The following HSD17B2 variants were observed in gnomAD, a reference collection of about 807,000 sequenced individuals.
The protein encoded by HSD17B2 is 17-beta-hydroxysteroid dehydrogenase type 2.
A neutral mutation model predicts 26.9 loss-of-function variants in HSD17B2; 32 were observed. That is an observed-to-expected ratio of 1.19 (90% CI 0.90 to 1.60). HSD17B2 has a LOEUF of 1.60. Ranked by LOEUF, HSD17B2 falls within the 40% of genes most tolerant of loss-of-function variation. The pLI is 0.00. For synonymous variants in HSD17B2, 246 were observed against 186.7 expected, an observed-to-expected ratio of 1.32 and a Z score of -2.59; for missense variants, 613 against 468.6, an observed-to-expected ratio of 1.31 and a Z score of -2.85.
intron 3 of HSD17B2, among the ~76,000 whole-genome samples, chr16:82,072,498 TA>T (rs1328933680): frequency 2.6e-5 from 4 of 152,222 alleles, no homozygotes; most frequent in African/African-American, 7.2e-5. Context: ...GCCTCACTTA[TA>T]TAATAAATAT....
rs141913281 is a variant in HSD17B2, at chr16:82,056,051, T to A, written c.266-12119T>A. On this transcript the variant is annotated intron_variant, in intron 1 of 4. Coordinates refer to ENST00000199936, the MANE Select transcript of HSD17B2 (RefSeq NM_002153.3). The stretch of plus-strand genomic sequence containing the variant: ...AATAGAAAACTGTAAATCACAGACA[T>A]CTTGGATTTTATTCAAGTTTGGCAA... Among the ~76,000 whole-genome samples the A allele has an allele frequency of 3.6e-3, 541 of 152,326 alleles. 4 individuals are homozygous for A. The highest frequency in any genetic ancestry group is 0.011 in the African/African-American group (470 of 41,568).
intron 1 of HSD17B2, among the ~76,000 whole-genome samples, chr16:82,060,378 G>A (rs747482694): frequency 2.6e-4 from 40 of 152,178 alleles, no homozygotes; most frequent in Non-Finnish European, 7.3e-5. Flanking sequence ...ATGTGTGTGT[G>A]TGTGAGAGCT....
intron 1 of HSD17B2, among the ~76,000 whole-genome samples, chr16:82,058,949 T>G (rs1043843975): frequency 2.0e-5 from 3 of 152,138 alleles, no homozygotes; most frequent in Admixed American, 6.5e-5. Flanking sequence ...ATTTACTCAA[T>G]TGTTCATTCT....
chr16:82,061,874 A>C (rs999390331), intron 1 of HSD17B2, among the ~76,000 whole-genome samples: 3 of 152,150 alleles, frequency 2.0e-5, no homozygotes, highest in African/African-American at 7.2e-5. Context: ...CTTCTTTCTG[A>C]ATGTAGCTTC....
chr16:82,072,459 T>C lies in HSD17B2; in HGVS notation c.664+1332T>C, dbSNP rs536507206. 3.3e-5 allele frequency among the ~76,000 whole-genome samples: 5 copies of C among 152,338 alleles called. 1 individual carries two copies. The highest frequency in any genetic ancestry group is 1.2e-4 in the African/African-American group (5 of 41,572). On this transcript the variant is annotated intron_variant, in intron 3 of 4. Coordinates refer to ENST00000199936, the MANE Select transcript of HSD17B2 (RefSeq NM_002153.3). ...TTCTCATTTCCCTGGAATAGTCTGG[T>C]ACTTCTGGGAACGTCTCACAGACTC...
chr16:82,075,519 G>C (rs539626420), intron 3 of HSD17B2, among the ~76,000 whole-genome samples: 1 of 152,138 alleles, frequency 6.6e-6, no homozygotes. Flanking sequence ...AAAAATCAGA[G>C]ATGACAAAGG....
chr16:82,070,181 G>A (rs983811709), intron 2 of HSD17B2, among the ~76,000 whole-genome samples: 1 of 151,822 alleles, frequency 6.6e-6, no homozygotes, highest in African/African-American at 2.4e-5. Context: ...TTGCTCTCCT[G>A]CATCCCACAG....
intron 1 of HSD17B2, among the ~76,000 whole-genome samples, chr16:82,055,136 C>T (rs1914227289): frequency 6.6e-6 from 1 of 152,200 alleles, no homozygotes; most frequent in African/African-American, 2.4e-5. Context: ...ACTTAAAGGC[C>T]ACATGGACTG....
intron 2 of HSD17B2, among the ~76,000 whole-genome samples, chr16:82,070,217 C>T (rs146559691): frequency 3.3e-5 from 5 of 152,294 alleles, no homozygotes; most frequent in East Asian, 3.9e-4. Context: ...TACCACCTAA[C>T]CAGTCATTCA....
At chr16:82,066,740 T>C (rs1351123130) in intron 1 of HSD17B2, among the ~76,000 whole-genome samples, 2 of 152,206 alleles carry the variant, frequency 1.3e-5, no homozygotes, top group African/African-American at 2.4e-5. Flanking sequence ...TTATTAATTA[T>C]TATTATACTG....
intron 4 of HSD17B2, chr16:82,091,953 C>T (rs1392252409): frequency 1.3e-5 from 2 of 152,192 alleles, no homozygotes; most frequent in Non-Finnish European, 2.9e-5. Context: ...CTGGGACACA[C>T]ACTCCCTCCC....
chr16:82,036,678 T>C (rs8052451), intron 1 of HSD17B2, among the ~76,000 whole-genome samples: 15,643 of 152,100 alleles, frequency 0.1, 2,689 homozygotes, highest in African/African-American at 0.35. Flanking sequence ...TGAAACAAAA[T>C]GCAAATTGGT....
At position 82,098,387 on chromosome 16, in the gene HSD17B2, C is replaced by A. The variant is rs771272817; in HGVS notation, c.1115C>A (p.Pro372His). The A allele has an allele frequency of 1.9e-6, 3 of 1,613,908 alleles. No homozygotes were observed. The highest frequency in any genetic ancestry group is 2.5e-6 in the Non-Finnish European group (3 of 1,179,916). ...FAKRHFGQDK[P>H]MPRALRMPNY... ...AAAAGACATTTTGGCCAAGACAAGC[C>A]CATGCCCAGAGCTCTAAGAATGCCT... The change falls in exon 5 of 5, where the codon CCC becomes CAC. Residue 372 changes from proline (P) to histidine (H), a missense_variant. By Grantham distance (77) the Pro-to-His change is moderately conservative. Transcript: ENST00000199936.
chr16:82,084,134 T>C (rs756674804), intron 3 of HSD17B2, among the ~76,000 whole-genome samples: 4 of 152,172 alleles, frequency 2.6e-5, no homozygotes, highest in Admixed American at 2.0e-4. Context: ...CTGGGTGACC[T>C]GGGTCAGGTC....
At chr16:82,062,468 C>T (rs1199847946) in intron 1 of HSD17B2, among the ~76,000 whole-genome samples, 1 of 152,166 alleles carries the variant, frequency 6.6e-6, no homozygotes, top group Non-Finnish European at 1.5e-5. Context: ...CCAACATGTG[C>T]TTTTTATTGA....
At chr16:82,043,886 CT>C (rs1913839205) in intron 1 of HSD17B2, among the ~76,000 whole-genome samples, 1 of 152,098 alleles carries the variant, frequency 6.6e-6, no homozygotes. Flanking sequence ...TTGTAAATAT[CT>C]TCCTTATAAT....
chr16:82,056,061 T>C (rs1223531477), intron 1 of HSD17B2, among the ~76,000 whole-genome samples: 11 of 152,238 alleles, frequency 7.2e-5, no homozygotes, highest in Non-Finnish European at 1.6e-4. Flanking sequence ...TCTTGGATTT[T>C]ATTCAAGTTT....
chr16:82,068,331 G>A lies in HSD17B2; in HGVS notation c.427G>A (p.Val143Met), dbSNP rs182891559. ...SVLQMDITKPVQIKDAYSKVA... is the reference protein window; with the variant it reads ...SVLQMDITKPMQIKDAYSKVA... ...GCTCCAAATGGACATCACGAAGCCAGTGCAGATAAAAGATGCTTACAGCAA... is the reference window on the plus strand; with the variant it reads ...GCTCCAAATGGACATCACGAAGCCAATGCAGATAAAAGATGCTTACAGCAA... Residue 143 changes from valine (V) to methionine (M), a missense_variant, in exon 2 of 5, where the codon GTG (valine) becomes ATG (methionine). Coordinates refer to ENST00000199936, the MANE Select transcript of HSD17B2 (RefSeq NM_002153.3). The A allele has an allele frequency of 2.0e-5, 32 of 1,613,988 alleles. No individual in the cohort carries two copies. The highest frequency in any genetic ancestry group is 1.8e-4 in the Admixed American group (11 of 60,012).
intron 2 of HSD17B2, 115 bp from the exon 3 acceptor site, chr16:82,070,827 C>A: frequency 3.2e-6 from 3 of 942,268 alleles, no homozygotes; most frequent in Admixed American, 2.6e-5. Flanking sequence ...AGACTCTAAT[C>A]CCCCAGGAGA....
Sources: gnomAD v4.1 joint callset for allele counts (sites outside exome capture counted in the v4.1 genomes callset) on GRCh38, gnomAD v4.1.1 for gene constraint, MANE v1.5 for transcripts, NCBI Gene and HGNC (gene_info 2026-07-23, HGNC 2026-07-21) for gene names.